The following C14orf132 variants were observed in gnomAD, a reference collection of about 807,000 sequenced individuals.
C14orf132 encodes the protein chromosome 14 open reading frame 132, also known as uncharacterized protein C14orf132.
Under a neutral mutation model 5.8 loss-of-function variants are expected in C14orf132, and 6 were observed. The observed-to-expected ratio is 1.03, with a 90% CI of 0.57 to 2.04. The LOEUF is 2.04. Among genes scored for constraint, C14orf132 ranks in the 30% most tolerant of loss-of-function variants. The pLI is 0.00. For synonymous variants in C14orf132, 51 were observed against 49.8 expected (o/e 1.02, Z -0.10); for missense variants, 125 against 115.8 (o/e 1.08, Z -0.37).
chr14:96,079,591 G>C (rs934146895), intron 1 of C14orf132, among the ~76,000 whole-genome samples: 3 of 152,006 alleles, frequency 2.0e-5, no homozygotes, highest in Non-Finnish European at 4.4e-5. Flanking sequence ...GGTGCAAGTG[G>C]GCCTTTGGTA....
rs188449589 is a variant in C14orf132, at chr14:96,062,492, C to G, written c.27+22965C>G. Among the ~76,000 whole-genome samples, 854 of 152,280 alleles carry G rather than the reference C, an allele frequency of 5.6e-3. 2 individuals are homozygous for G. Among genetic ancestry groups the G allele is most frequent in the Middle Eastern group, 0.02 (6 of 294 alleles). On this transcript the variant is annotated intron_variant, in intron 1 of 1. Transcript: ENST00000555004. ...CTCTCTCCCCTGCCTTTTGCAAAAG[C>G]TGACATGGAGATTGCAGCCCTCCAC...
rs991772454 is a variant in C14orf132, at chr14:96,060,668, A to G, written c.27+21141A>G. ...TCCTCCTCAGCCACCCCCAATTCCC[A>G]TGCTGCATGCCTGAAAGAGGCAGGA... On this transcript the variant is annotated intron_variant, in intron 1 of 1. Coordinates refer to ENST00000555004, the MANE Select transcript of C14orf132 (RefSeq NM_001252507.3). 8.5e-5 allele frequency among the ~76,000 whole-genome samples: 13 copies of G among 152,082 alleles called. 1 individual carries two copies. The highest frequency in any genetic ancestry group is 3.9e-4 in the East Asian group (2 of 5,178).
intron 1 of C14orf132, 56 bp from the exon 2 acceptor site, chr14:96,086,455 G>A: frequency 1.3e-6 from 2 of 1,483,508 alleles, no homozygotes; most frequent in Non-Finnish European, 1.8e-6. Context: ...CTTTTGCAGG[G>A]TACATCTGCC....
Position 96,091,561 on chromosome 14 carries a change from G to T in C14orf132, c.*4826G>T. ...GAGGTGGGTTGTGCTCCCTGCAGCT[G>T]CCATCGGCCCGCTTTGCTTCGTCCT... On this transcript the variant is annotated 3_prime_UTR_variant, in exon 2 of 2. Coordinates refer to ENST00000555004, the MANE Select transcript of C14orf132 (RefSeq NM_001252507.3). 1 of 156,348 alleles carries T rather than the reference G, an allele frequency of 6.4e-6. No homozygotes were observed. Among genetic ancestry groups the T allele is most frequent in the Non-Finnish European group, 1.4e-5 (1 of 70,808 alleles). The allele number at this position is 156,348 out of a possible 1,614,324, so 9.7% of individuals were successfully genotyped here.
intron 1 of C14orf132, among the ~76,000 whole-genome samples, chr14:96,062,987 C>A (rs1012360508): frequency 6.6e-6 from 1 of 152,176 alleles, no homozygotes; most frequent in Non-Finnish European, 1.5e-5. Context: ...ACACCACAGA[C>A]CCTCTCTGCC....
At chr14:96,066,230 C>T (rs879829720) in intron 1 of C14orf132, among the ~76,000 whole-genome samples, 8 of 152,140 alleles carry the variant, frequency 5.3e-5, no homozygotes, top group African/African-American at 1.2e-4. Flanking sequence ...ATGGGATGCG[C>T]GTGGAGGACA....
intron 1 of C14orf132, among the ~76,000 whole-genome samples, chr14:96,077,720 G>T (rs759047921): frequency 1.1e-4 from 17 of 152,196 alleles, no homozygotes; most frequent in Non-Finnish European, 1.9e-4. Context: ...AAAACTTTTA[G>T]AGCATCGCTT....
rs548138871 is a variant in C14orf132 at position 96,085,877 on chromosome 14, G to T, written c.28-634G>T. The stretch of plus-strand genomic sequence containing the variant: ...GTTCATGATAGAATAATACACAATT[G>T]TTAAAATGGAATTTTGATGGCCATT... On this transcript the variant is annotated intron_variant, in intron 1 of 1. Coordinates refer to ENST00000555004, the MANE Select transcript of C14orf132 (RefSeq NM_001252507.3). Among the ~76,000 whole-genome samples, 209 of 152,226 alleles carry T rather than the reference G, an allele frequency of 1.4e-3. 3 individuals carry two copies. In the South Asian group the frequency reaches 0.031, roughly 23 times the overall value.
At chr14:96,085,021 G>T (rs1888138340) in intron 1 of C14orf132, among the ~76,000 whole-genome samples, 1 of 152,174 alleles carries the variant, frequency 6.6e-6, no homozygotes, top group Admixed American at 6.5e-5. Context: ...AAGCCCATGG[G>T]GCTGCATGCA....
rs778456962 is a variant in C14orf132, at chr14:96,039,462, G to C, written c.-39G>C. The C allele has an allele frequency of 2.0e-6, 3 of 1,485,106 alleles. No homozygotes were observed. Among genetic ancestry groups the C allele is most frequent in the South Asian group, 2.5e-5 (2 of 78,646 alleles). The allele number at this position is 1,485,106 out of a possible 1,614,324, so 92.0% of individuals were successfully genotyped here. On this transcript the variant is annotated 5_prime_UTR_variant, in exon 1 of 2. Transcript: ENST00000555004. The surrounding 1 kb of genome is among the most constrained non-coding windows in gnomAD (Gnocchi z 5.3). ...CAGGCGGCTGACCCGCAGCGGCAGCGGCAGCAGCGAGGACTCGAGCGCTGG... is the reference window on the plus strand; with the variant it reads ...CAGGCGGCTGACCCGCAGCGGCAGCCGCAGCAGCGAGGACTCGAGCGCTGG...
chr14:96,041,630 G>C (rs1886696662), intron 1 of C14orf132, among the ~76,000 whole-genome samples: 1 of 152,220 alleles, frequency 6.6e-6, no homozygotes, highest in South Asian at 2.1e-4. Flanking sequence ...CGCAGTGCTT[G>C]GCTGGAGCAA....
chr14:96,063,047 T>C (rs1316850974), intron 1 of C14orf132, among the ~76,000 whole-genome samples: 2 of 151,992 alleles, frequency 1.3e-5, no homozygotes, highest in African/African-American at 4.8e-5. Context: ...AGAAAAAAAT[T>C]TTTTCATCTG....
intron 1 of C14orf132, among the ~76,000 whole-genome samples, chr14:96,076,753 C>G (rs940238467): frequency 6.6e-6 from 1 of 152,092 alleles, no homozygotes; most frequent in Non-Finnish European, 1.5e-5. Flanking sequence ...TAAATTGAGA[C>G]CTTTCTTCTT....
chr14:96,057,110 T>G (rs1887207147), intron 1 of C14orf132, among the ~76,000 whole-genome samples: 1 of 152,244 alleles, frequency 6.6e-6, no homozygotes, highest in Non-Finnish European at 1.5e-5. Context: ...AAACTCATGT[T>G]GAAACTTAAT....
At chr14:96,040,097 T>TGGA (rs1886647510) in intron 1 of C14orf132, among the ~76,000 whole-genome samples, 1 of 151,832 alleles carries the variant, frequency 6.6e-6, no homozygotes, top group Non-Finnish European at 1.5e-5. Flanking sequence ...TAGAGTCTGA[T>TGGA]GGAGCCACCA....
chr14:96,060,171 C>T (rs1444947525), intron 1 of C14orf132, among the ~76,000 whole-genome samples: 3 of 152,168 alleles, frequency 2.0e-5, no homozygotes, highest in African/African-American at 7.2e-5. Context: ...CCCTCCCTAT[C>T]GGCTAGATTG....
intron 1 of C14orf132, among the ~76,000 whole-genome samples, chr14:96,071,842 C>T (rs75200094): frequency 0.018 from 2,732 of 152,340 alleles, 64 homozygotes; most frequent in African/African-American, 0.061. Flanking sequence ...GTGGACATCG[C>T]CTTGTGCCTG....
Position 96,090,664 on chromosome 14 carries a change from T to G in C14orf132, c.*3929T>G. On this transcript the variant is annotated 3_prime_UTR_variant, in exon 2 of 2. Transcript: ENST00000555004. ...TCTACCCCCCAGAGAGAAATGATTCTCGCTCCTTTCAGATCCCCCAGGATC... is the reference window on the plus strand; with the variant it reads ...TCTACCCCCCAGAGAGAAATGATTCGCGCTCCTTTCAGATCCCCCAGGATC... 1 of 456,006 alleles carries G rather than the reference T, an allele frequency of 2.2e-6. No homozygotes were observed. 28.2% of individuals were successfully genotyped at this position (456,006 alleles called of 1,614,324 possible). A position where few individuals can be genotyped will look rare whatever the true frequency, so the allele number is the denominator to read the frequency against.
At chr14:96,086,416 A>G in intron 1 of C14orf132, 95 bp from the exon 2 acceptor site, 1 of 1,087,978 alleles carries the variant, frequency 9.2e-7, no homozygotes, top group Non-Finnish European at 1.3e-6. Context: ...TCGTAGCTTC[A>G]TGTGGGGTTG....
Sources: allele counts gnomAD v4.1 joint callset (sites outside exome capture counted in the v4.1 genomes callset), GRCh38; gene constraint gnomAD v4.1.1; non-coding constraint Gnocchi (gnomAD v3.1); transcripts MANE v1.5; gene names NCBI Gene and HGNC (gene_info 2026-07-23, HGNC 2026-07-21).